Variants in COL27A1 observed in about 807,000 individuals in gnomAD.
COL27A1 encodes collagen alpha-1(XXVII) chain.
COL27A1 carries 106 observed loss-of-function variants against 251.3 expected under a neutral mutation model. The observed-to-expected ratio is 0.42, with a 90% CI of 0.36 to 0.50. The LOEUF (loss-of-function observed/expected upper bound fraction) is 0.50, where lower values mean the gene tolerates loss of function less well. Ranked by LOEUF, COL27A1 falls within the 20% of genes least tolerant of loss-of-function variation. COL27A1 has a pLI of 0.00. For synonymous variants in COL27A1, 1,000 were observed against 986.3 expected (o/e 1.01, Z -0.26); for missense variants, 2,325 against 2,522.8 (o/e 0.92, Z 1.68).
intron 22 of COL27A1, among the ~76,000 whole-genome samples, chr9:114,243,183 A>C (rs1832877826): frequency 6.6e-6 from 1 of 152,126 alleles, no homozygotes; most frequent in African/African-American, 2.4e-5. Context: ...ACTTGCATAA[A>C]CTGTTCCTTC....
At chr9:114,217,772 C>T (rs10982110) in intron 12 of COL27A1, 313,808 of 470,488 alleles carry the variant, frequency 0.67, 109,514 homozygotes, top group South Asian at 0.8. Context: ...CCTACCAGGT[C>T]CTTCTACCCC....
rs1377184407 is a variant in COL27A1 at position 114,194,598 on chromosome 9, T to C, written c.2070+141T>C. ...GGGAACATCTGGAAGGGTTAGGGTATGGTTTGGTTTTTTCCTTGAAGTCCT... is the reference window on the plus strand; with the variant it reads ...GGGAACATCTGGAAGGGTTAGGGTACGGTTTGGTTTTTTCCTTGAAGTCCT... On this transcript the variant is annotated intron_variant, in intron 6 of 60. Coordinates refer to ENST00000356083, the MANE Select transcript of COL27A1 (RefSeq NM_032888.4). 1.8e-5 allele frequency: 14 copies of C among 761,082 alleles called. No homozygotes were observed. In the African/African-American group the frequency reaches 2.5e-4, roughly 13 times the overall value. The allele number at this position is 761,082 out of a possible 1,614,324, so 47.1% of individuals were successfully genotyped here.
intron 37 of COL27A1, among the ~76,000 whole-genome samples, chr9:114,280,725 C>T (rs1835850254): frequency 6.6e-6 from 1 of 152,208 alleles, no homozygotes; most frequent in Non-Finnish European, 1.5e-5. Flanking sequence ...TGCTGAGGTC[C>T]TTCCCGGGCC....
chr9:114,247,270 C>T (rs1833205545), intron 24 of COL27A1, among the ~76,000 whole-genome samples: 1 of 152,138 alleles, frequency 6.6e-6, no homozygotes, highest in Admixed American at 6.5e-5. Flanking sequence ...ATTTTGAGAT[C>T]TCTGCAGCAA....
At chr9:114,160,759 G>A (rs1196394255) in intron 1 of COL27A1, among the ~76,000 whole-genome samples, 12 of 152,268 alleles carry the variant, frequency 7.9e-5, no homozygotes, top group African/African-American at 2.9e-4. Flanking sequence ...AAATAGGAGA[G>A]TAGACAATGA....
chr9:114,190,438 A>C (rs1828677600), intron 5 of COL27A1, among the ~76,000 whole-genome samples: 2 of 151,918 alleles, frequency 1.3e-5, no homozygotes, highest in Admixed American at 1.3e-4. Context: ...ACCCAGCTAA[A>C]TTTTTTGCTT....
intron 14 of COL27A1, among the ~76,000 whole-genome samples, chr9:114,230,289 GAGTTTGC>G (rs1472666929): frequency 1.3e-5 from 2 of 152,136 alleles, no homozygotes; most frequent in Non-Finnish European, 2.9e-5. Context: ...GGACGGTGTG[GAGTTTGC>G]AGACGGCAGC....
Position 114,301,299 on chromosome 9 carries a change from A to G in COL27A1, c.4771A>G (p.Lys1591Glu). The G allele has an allele frequency of 6.2e-7, 1 of 1,613,456 alleles. No homozygotes were observed. Among genetic ancestry groups the G allele is most frequent in the Non-Finnish European group, 8.5e-7 (1 of 1,179,744 alleles). ...PSGLPGPKGDKGSRGDWGLQG... is the reference protein window; with the variant it reads ...PSGLPGPKGDEGSRGDWGLQG... ...TTTGTTGCAGGGTCCGAAGGGTGAC[A>G]AAGGCAGCCGTGGGGACTGGGTAAG... The change falls in exon 53 of 61, where the codon AAA (lysine) becomes GAA (glutamate). Residue 1591 changes from lysine (K) to glutamate (E), a missense_variant. Coordinates refer to ENST00000356083, the MANE Select transcript of COL27A1 (RefSeq NM_032888.4).
intron 37 of COL27A1, among the ~76,000 whole-genome samples, chr9:114,278,804 T>C (rs939566456): frequency 2.0e-4 from 30 of 152,020 alleles, no homozygotes; most frequent in Admixed American, 1.3e-3. Context: ...GGGGCCTTAC[T>C]TGAGTCTCTT....
rs749330327 is a variant in COL27A1, at chr9:114,210,978, G to T, written c.2323-4G>T. On this transcript the variant is annotated splice_region_variant and splice_polypyrimidine_tract_variant and intron_variant, in intron 11 of 60. Transcript: ENST00000356083. ...CTGACCTCTCCCCTGTCTCTCCCCTGCAGGGCCTGCCTGGCGTTCCTGGCA... is the reference window on the plus strand; with the variant it reads ...CTGACCTCTCCCCTGTCTCTCCCCTTCAGGGCCTGCCTGGCGTTCCTGGCA... 1 of 1,614,156 alleles carries T rather than the reference G, an allele frequency of 6.2e-7. No homozygotes were observed. The highest frequency in any genetic ancestry group is 8.5e-7 in the Non-Finnish European group (1 of 1,179,990).
chr9:114,185,681 C>T (rs1448838254), intron 5 of COL27A1, among the ~76,000 whole-genome samples: 8 of 152,218 alleles, frequency 5.3e-5, no homozygotes, highest in Non-Finnish European at 1.5e-5. Flanking sequence ...CTATGCTGTC[C>T]CGTCCTCTTC....
intron 24 of COL27A1, among the ~76,000 whole-genome samples, chr9:114,248,757 T>G (rs56074074): frequency 0.073 from 11,152 of 152,206 alleles, 464 homozygotes; most frequent in Non-Finnish European, 0.1. Flanking sequence ...TGGTTTCTTG[T>G]TAGAGGTTTA....
intron 27 of COL27A1, among the ~76,000 whole-genome samples, chr9:114,254,360 G>A (rs1290061796): frequency 2.0e-5 from 3 of 151,440 alleles, no homozygotes; most frequent in Admixed American, 6.6e-5. Flanking sequence ...CCTTCCCAGG[G>A]GTGATGATGT....
chr9:114,310,731 G>T lies in COL27A1; in HGVS notation c.*36G>T. 6.2e-7 allele frequency: 1 copy of T among 1,610,908 alleles called. No individual in the cohort carries two copies. On this transcript the variant is annotated 3_prime_UTR_variant, in exon 61 of 61. Transcript: ENST00000356083. ...CGTGGCCACTCTAGGCCTCACGGAGGAGGGAAGAGGAAGAGGCAAGGGGAG... is the reference window on the plus strand; with the variant it reads ...CGTGGCCACTCTAGGCCTCACGGAGTAGGGAAGAGGAAGAGGCAAGGGGAG...
At chr9:114,270,208 C>T (rs1374663262) in intron 35 of COL27A1, among the ~76,000 whole-genome samples, 1 of 152,164 alleles carries the variant, frequency 6.6e-6, no homozygotes, top group Non-Finnish European at 1.5e-5. Context: ...TTACAGCAAC[C>T]CTTGAAGAAG....
intron 43 of COL27A1, 49 bp downstream of exon 43, chr9:114,288,804 G>A: frequency 6.2e-7 from 1 of 1,602,536 alleles, no homozygotes; most frequent in Non-Finnish European, 8.5e-7. Context: ...ATGTCAGGGA[G>A]AGGGGGGATG....
rs1835456322 is a variant in COL27A1 at position 114,275,739 on chromosome 9, C to T, written c.3688C>T (p.Pro1230Ser). The change falls in exon 37 of 61, where the codon CCC becomes TCC. Residue 1230 changes from proline to serine, a missense_variant. By Grantham distance (74) the Pro-to-Ser change is moderately conservative. Around this residue, in one of 4 missense-constraint regions of COL27A1, gnomAD observed 662 missense variants for 795.3 expected, o/e 0.83. Coordinates refer to ENST00000356083, the MANE Select transcript of COL27A1 (RefSeq NM_032888.4). ...QEGLMGEDGP[P>S]GPPGVTGVRG... is the part of the protein sequence containing the mutation. ...AGGGCTGATGGGTGAGGACGGGCCC[C>T]CCGGCCCCCCTGGCGTCACTGGTGT... 6.5e-7 allele frequency: 1 copy of T among 1,549,164 alleles called. No individual in the cohort carries two copies. The highest frequency in any genetic ancestry group is 8.7e-7 in the Non-Finnish European group (1 of 1,146,608).
At chr9:114,157,886 ACCATGCTTGTAAAGGGCTTAGAACAGGG>A (rs981559963) in intron 1 of COL27A1, among the ~76,000 whole-genome samples, 3 of 152,206 alleles carry the variant, frequency 2.0e-5, no homozygotes, top group African/African-American at 7.2e-5. Flanking sequence ...GATGAACAGG[ACCATGCTTGTAAAGGGCTTAGAACAGGG>A]CCTGGCATGT....
intron 3 of COL27A1, among the ~76,000 whole-genome samples, chr9:114,172,119 A>G: frequency 6.6e-6 from 1 of 152,282 alleles, no homozygotes; most frequent in East Asian, 1.9e-4. Context: ...CCTAGGAGGA[A>G]CCCGGAAGCT....
Sources: allele counts gnomAD v4.1 joint callset (sites outside exome capture counted in the v4.1 genomes callset), GRCh38; gene constraint gnomAD v4.1.1; regional missense constraint gnomAD v4.1.1; transcripts MANE v1.5; gene names NCBI Gene and HGNC (gene_info 2026-07-23, HGNC 2026-07-21).